DDHD1: variants seen among roughly 807,000 people sequenced by gnomAD.
The protein encoded by DDHD1 is phospholipase DDHD1.
A neutral mutation model predicts 96.4 loss-of-function variants in DDHD1; 49 were observed. The ratio of observed to expected loss-of-function variants is 0.51; its 90% CI spans 0.40 to 0.64. The LOEUF (loss-of-function observed/expected upper bound fraction) is 0.64. DDHD1 is among the 30% of genes least tolerant of loss of function. The probability of loss-of-function intolerance (pLI) is 0.00; values close to 1 mark genes in which losing one functional copy is unlikely to be tolerated. For synonymous variants in DDHD1, 442 were observed against 446.5 expected (o/e 0.99, Z 0.13); for missense variants, 1,106 against 1,161.2 (o/e 0.95, Z 0.69).
intron 1 of DDHD1, among the ~76,000 whole-genome samples, chr14:53,137,662 A>G (rs1890334144): frequency 6.6e-6 from 1 of 152,208 alleles, no homozygotes; most frequent in South Asian, 2.1e-4. Flanking sequence ...ATCAAAATGT[A>G]CAGAGTTGTT....
chr14:53,061,483 A>G (rs1471407312), intron 7 of DDHD1, among the ~76,000 whole-genome samples: 1 of 152,224 alleles, frequency 6.6e-6, no homozygotes, highest in Admixed American at 6.5e-5. Context: ...CATCTTTTAA[A>G]AAATTATACC....
At chr14:53,144,321 G>C (rs1484699419) in intron 1 of DDHD1, among the ~76,000 whole-genome samples, 1 of 152,192 alleles carries the variant, frequency 6.6e-6, no homozygotes, top group Non-Finnish European at 1.5e-5. Flanking sequence ...TTAAGCAAAG[G>C]CAAGTATCTT....
Position 53,090,910 on chromosome 14 carries a change from G to A in DDHD1, c.1289+875C>T, listed in dbSNP as rs561588322. Among the ~76,000 whole-genome samples, 59 of 151,778 alleles carry A rather than the reference G, an allele frequency of 3.9e-4. No homozygotes were observed. In the South Asian group the frequency reaches 8.5e-3, roughly 22 times the overall value. ...TTGAATTGTATTTTAACTTTAATCC[G>A]TTAGCTGGCATTAAGAGATGTTACA... On this transcript the variant is annotated intron_variant, in intron 4 of 12. Coordinates refer to ENST00000673822, the MANE Select transcript of DDHD1 (RefSeq NM_001160148.2).
intron 1 of DDHD1, among the ~76,000 whole-genome samples, chr14:53,113,432 T>C (rs1888284459): frequency 7.0e-6 from 1 of 142,052 alleles, no homozygotes; most frequent in African/African-American, 2.6e-5. Context: ...AACTCTATTT[T>C]AAAATATGGG....
At chr14:53,088,053 C>A (rs991645226) in intron 4 of DDHD1, among the ~76,000 whole-genome samples, 5 of 152,156 alleles carry the variant, frequency 3.3e-5, no homozygotes, top group Non-Finnish European at 7.3e-5. Context: ...TGCGAATAAA[C>A]CAGAAAATCT....
chr14:53,124,551 T>G (rs1268308292), intron 1 of DDHD1, among the ~76,000 whole-genome samples: 1 of 152,140 alleles, frequency 6.6e-6, no homozygotes, highest in Non-Finnish European at 1.5e-5. Context: ...AAAATAACAG[T>G]CATGCTAAGA....
intron 4 of DDHD1, among the ~76,000 whole-genome samples, chr14:53,076,684 A>T (rs1037530891): frequency 1.3e-5 from 2 of 152,174 alleles, no homozygotes; most frequent in African/African-American, 4.8e-5. Flanking sequence ...CGATGTGGCT[A>T]ACTTCACTGT....
In DDHD1 at chr14:53,116,442, C is replaced by T. The variant is rs112590523; in HGVS notation, c.839-12586G>A. Among the ~76,000 whole-genome samples, 404 of 152,296 alleles carry T rather than the reference C, an allele frequency of 2.7e-3. 3 individuals are homozygous for T. Among genetic ancestry groups the T allele is most frequent in the African/African-American group, 9.4e-3 (391 of 41,564 alleles). Reference sequence around the variant, plus strand: ...ATATATTCTTCTCAGTGCCACATAGCACTTATTCTAAAATGACCACATAAT... The same window carrying T: ...ATATATTCTTCTCAGTGCCACATAGTACTTATTCTAAAATGACCACATAAT... On this transcript the variant is annotated intron_variant, in intron 1 of 12. Transcript: ENST00000673822.
chr14:53,123,751 G>A (rs1036154805), intron 1 of DDHD1, among the ~76,000 whole-genome samples: 1 of 152,176 alleles, frequency 6.6e-6, no homozygotes, highest in Non-Finnish European at 1.5e-5. Flanking sequence ...ATTTGGAATG[G>A]TGGTTACTTC....
intron 1 of DDHD1, among the ~76,000 whole-genome samples, chr14:53,113,445 AAGG>A (rs1888285543): frequency 6.7e-6 from 1 of 148,524 alleles, no homozygotes; most frequent in Non-Finnish European, 1.5e-5. Context: ...AATATGGGCA[AAGG>A]AGGAGAGGCC....
chr14:53,076,416 T>C (rs1004225742), intron 4 of DDHD1, among the ~76,000 whole-genome samples: 11 of 152,168 alleles, frequency 7.2e-5, no homozygotes, highest in African/African-American at 2.7e-4. Flanking sequence ...TGCAATTTCA[T>C]GAGAAAACTT....
Position 53,063,007 on chromosome 14 carries a change from C to A in DDHD1, c.1702G>T (p.Asp568Tyr), listed in dbSNP as rs1345428671. 1 of 1,612,534 alleles carries A rather than the reference C, an allele frequency of 6.2e-7. No homozygotes were observed. The highest frequency in any genetic ancestry group is 1.7e-5 in the Admixed American group (1 of 59,972). Residue 568 changes from aspartate (D) to tyrosine (Y), a missense_variant, in exon 7 of 13, where the codon GAT becomes TAT. Transcript: ENST00000673822. ...TCTTCATAGCTCATCCATCGTTCAT[C>A]AGGCAACTCTTCTTCCTTTTGCAGC... ...QLLQKEEELPDERWMSYEERH... is the reference protein window; with the variant it reads ...QLLQKEEELPYERWMSYEERH...
intron 1 of DDHD1, among the ~76,000 whole-genome samples, chr14:53,138,823 C>A (rs1161831476): frequency 6.6e-6 from 1 of 152,112 alleles, no homozygotes; most frequent in African/African-American, 2.4e-5. Context: ...GTTGCAGGTT[C>A]TTCTCCACAG....
At chr14:53,129,192 G>A (rs978679609) in intron 1 of DDHD1, among the ~76,000 whole-genome samples, 4 of 152,132 alleles carry the variant, frequency 2.6e-5, no homozygotes, top group East Asian at 1.9e-4. Flanking sequence ...CCGAAGACCC[G>A]GGACAGGGGG....
At chr14:53,105,114 A>G (rs1236943757) in intron 1 of DDHD1, among the ~76,000 whole-genome samples, 1 of 152,110 alleles carries the variant, frequency 6.6e-6, no homozygotes, top group East Asian at 1.9e-4. Context: ...TAAATAAAAA[A>G]GCTTGTAATC....
At chr14:53,126,213 C>T (rs967893487) in intron 1 of DDHD1, among the ~76,000 whole-genome samples, 1 of 152,050 alleles carries the variant, frequency 6.6e-6, no homozygotes, top group Non-Finnish European at 1.5e-5. Context: ...TTTATGTATA[C>T]ATATTTACAA....
chr14:53,115,565 C>T (rs1024588136), intron 1 of DDHD1, among the ~76,000 whole-genome samples: 1 of 152,116 alleles, frequency 6.6e-6, no homozygotes, highest in African/African-American at 2.4e-5. Flanking sequence ...ACAGTGGGGG[C>T]CAATATTCAA....
chr14:53,145,502 C>CAAAAAAA (rs34747977), intron 1 of DDHD1, among the ~76,000 whole-genome samples: 1 of 61,694 alleles, frequency 1.6e-5, no homozygotes, highest in African/African-American at 6.4e-5. Flanking sequence ...AACCTTGTCT[C>CAAAAAAA]AAAAAAAAAA....
intron 3 of DDHD1, 80 bp downstream of exon 3, chr14:53,093,236 A>G (rs1886586494): frequency 7.1e-7 from 1 of 1,415,014 alleles, no homozygotes; most frequent in Non-Finnish European, 9.5e-7. Context: ...TAAAAACAGA[A>G]TATGAATTGT....
Sources: gnomAD v4.1 joint callset for allele counts (sites outside exome capture counted in the v4.1 genomes callset) on GRCh38, gnomAD v4.1.1 for gene constraint, MANE v1.5 for transcripts, NCBI Gene and HGNC (gene_info 2026-07-23, HGNC 2026-07-21) for gene names.